Variants in EBF2 observed in about 807,000 individuals in gnomAD.
EBF2 encodes the protein transcription factor COE2.
A neutral mutation model predicts 72.8 loss-of-function variants in EBF2; 21 were observed. The observed-to-expected ratio is 0.29, with a 90% CI of 0.20 to 0.42. EBF2 has a LOEUF of 0.42. EBF2 is among the 10% of genes least tolerant of loss of function. The probability of loss-of-function intolerance (pLI) is 1.00; values close to 1 mark genes in which losing one functional copy is unlikely to be tolerated. For synonymous variants in EBF2, 299 were observed against 274.2 expected, an observed-to-expected ratio of 1.09 and a Z score of -0.89; for missense variants, 637 against 731.2, an observed-to-expected ratio of 0.87 and a Z score of 1.49.
rs539017629 is a variant in EBF2 at position 25,853,869 on chromosome 8, A to T, written c.1529-3108T>A. ...AAAAACAGATTACATAACACATACT[A>T]AGCCCCCTTTAATTTTTAAAAATAC... On this transcript the variant is annotated intron_variant, in intron 14 of 15. Coordinates refer to ENST00000520164, the MANE Select transcript of EBF2 (RefSeq NM_022659.4). Among the ~76,000 whole-genome samples, 24 of 152,260 alleles carry T rather than the reference A, an allele frequency of 1.6e-4. No homozygotes were observed. The South Asian group carries it at 3.3e-3, about 21-fold the overall frequency.
intron 6 of EBF2, among the ~76,000 whole-genome samples, chr8:25,997,563 T>A (rs1475727438): frequency 3.3e-5 from 4 of 121,322 alleles, no homozygotes; most frequent in Admixed American, 9.6e-5. Context: ...CAGAACCAGA[T>A]CCTATCTCAA....
intron 6 of EBF2, among the ~76,000 whole-genome samples, chr8:25,993,085 A>G (rs1804571186): frequency 6.6e-6 from 1 of 152,092 alleles, no homozygotes; most frequent in Non-Finnish European, 1.5e-5. Context: ...AAGGCTCTCA[A>G]TACACTGGGA....
At chr8:25,960,852 C>G (rs1455711960) in intron 6 of EBF2, among the ~76,000 whole-genome samples, 1 of 152,232 alleles carries the variant, frequency 6.6e-6, no homozygotes, top group Non-Finnish European at 1.5e-5. Context: ...TTAAAGGTAT[C>G]TTCCTTATCT....
chr8:25,860,749 T>A (rs1802198733), intron 13 of EBF2, among the ~76,000 whole-genome samples: 1 of 152,124 alleles, frequency 6.6e-6, no homozygotes, highest in Non-Finnish European at 1.5e-5. Flanking sequence ...ACTCCAGGGC[T>A]CAAGCAATCT....
rs1010554998 is a variant in EBF2 at position 25,844,755 on chromosome 8, A to C, written c.1697-115T>G. 3.0e-6 allele frequency: 4 copies of C among 1,352,042 alleles called. No homozygotes were observed. In the East Asian group the frequency reaches 6.9e-5, roughly 23 times the overall value. 83.8% of individuals were successfully genotyped at this position (1,352,042 alleles called of 1,614,324 possible). On this transcript the variant is annotated intron_variant, in intron 15 of 15. Transcript: ENST00000520164. Reference sequence around the variant, plus strand: ...ATAGAGTCTGATGCTATTCAAGGAGATGGTGCCCTCAGCTGATATGAGGAC... The same window carrying C: ...ATAGAGTCTGATGCTATTCAAGGAGCTGGTGCCCTCAGCTGATATGAGGAC...
chr8:25,890,284 C>T (rs1021755729), intron 7 of EBF2, among the ~76,000 whole-genome samples: 2 of 152,236 alleles, frequency 1.3e-5, no homozygotes, highest in Non-Finnish European at 2.9e-5. Flanking sequence ...TGGGTTCTTG[C>T]ACTTCAGACA....
chr8:25,850,198 T>A (rs971721400), intron 15 of EBF2, among the ~76,000 whole-genome samples: 1 of 152,202 alleles, frequency 6.6e-6, no homozygotes, highest in African/African-American at 2.4e-5. Flanking sequence ...CTGCAACCTC[T>A]GCCTCCTAGG....
At chr8:25,930,715 A>T (rs185840020) in intron 6 of EBF2, among the ~76,000 whole-genome samples, 28 of 152,308 alleles carry the variant, frequency 1.8e-4, no homozygotes, top group Non-Finnish European at 3.2e-4. Context: ...TTTGGTTGGG[A>T]TGATGAGATC....
chr8:25,905,670 AG>A, intron 7 of EBF2, among the ~76,000 whole-genome samples: 1 of 152,346 alleles, frequency 6.6e-6, no homozygotes, highest in Non-Finnish European at 1.5e-5. Flanking sequence ...AGTGGTTGCC[AG>A]TGAATGGGGA....
At chr8:25,873,382 A>G (rs1338556679) in intron 10 of EBF2, among the ~76,000 whole-genome samples, 2 of 152,146 alleles carry the variant, frequency 1.3e-5, no homozygotes, top group Non-Finnish European at 1.5e-5. Flanking sequence ...TTCTTCTCTG[A>G]GGAGTAGAGG....
chr8:26,021,170 C>A (rs781397567), intron 6 of EBF2, among the ~76,000 whole-genome samples: 12 of 152,082 alleles, frequency 7.9e-5, no homozygotes, highest in Non-Finnish European at 1.3e-4. Context: ...TCTAGACAGA[C>A]CATGAGACCA....
chr8:25,957,479 C>G (rs1803969283), intron 6 of EBF2, among the ~76,000 whole-genome samples: 1 of 152,192 alleles, frequency 6.6e-6, no homozygotes, highest in Non-Finnish European at 1.5e-5. Flanking sequence ...TCACCACTTC[C>G]CACTGCCTCC....
At chr8:25,878,259 A>G (rs1357761369) in intron 10 of EBF2, among the ~76,000 whole-genome samples, 1 of 152,080 alleles carries the variant, frequency 6.6e-6, no homozygotes, top group African/African-American at 2.4e-5. Flanking sequence ...ATTGGAGGTG[A>G]GTGGTTTGTC....
intron 10 of EBF2, among the ~76,000 whole-genome samples, chr8:25,863,132 CTTA>C (rs1249952569): frequency 6.6e-6 from 1 of 151,724 alleles, no homozygotes; most frequent in Non-Finnish European, 1.5e-5. Context: ...TTTCCTTTCT[CTTA>C]TCTCTTTCTT....
In EBF2 at chr8:26,040,930, AGAGCTCACCGTTGCTGTAGAG is replaced by A; in HGVS notation, c.340_352+8del. The A allele has an allele frequency of 6.2e-7, 1 of 1,611,138 alleles. No homozygotes were observed. The highest frequency in any genetic ancestry group is 8.5e-7 in the Non-Finnish European group (1 of 1,177,338). On this transcript the variant is annotated splice_donor_variant and splice_donor_5th_base_variant and coding_sequence_variant and intron_variant, in exon 3 of 16. Transcript: ENST00000520164. LOFTEE classifies it high-confidence loss of function. The stretch of plus-strand genomic sequence containing the variant: ...GGCGCCGGCTCACCGTTGCTGTAGA[AGAGCTCACCGTTGCTGTAGAG>A]GAGCTGTAACTTGTAGTGAGTGCCG...
chr8:25,994,222 A>G (rs1304247368), intron 6 of EBF2, among the ~76,000 whole-genome samples: 1 of 152,172 alleles, frequency 6.6e-6, no homozygotes, highest in Non-Finnish European at 1.5e-5. Context: ...AAAATAGAAG[A>G]TACACGAAAA....
intron 13 of EBF2, among the ~76,000 whole-genome samples, chr8:25,859,330 T>C (rs879635137): frequency 2.3e-4 from 35 of 152,240 alleles, no homozygotes; most frequent in Non-Finnish European, 4.1e-4. Context: ...GAACGGTATC[T>C]TCACCTCTCT....
chr8:26,012,468 A>G (rs547363962), intron 6 of EBF2, among the ~76,000 whole-genome samples: 58 of 152,228 alleles, frequency 3.8e-4, no homozygotes, highest in African/African-American at 1.3e-3. Context: ...TACATACTAA[A>G]TTTATTTCTC....
chr8:25,911,140 T>A (rs1479603156), intron 6 of EBF2, among the ~76,000 whole-genome samples: 1 of 152,130 alleles, frequency 6.6e-6, no homozygotes, highest in Non-Finnish European at 1.5e-5. Flanking sequence ...AGGGAACAAA[T>A]TCTCTCCAAA....
Sources: allele counts gnomAD v4.1 joint callset (sites outside exome capture counted in the v4.1 genomes callset), GRCh38; gene constraint gnomAD v4.1.1; transcripts MANE v1.5; gene names NCBI Gene and HGNC (gene_info 2026-07-23, HGNC 2026-07-21).